Variants in TSPAN5 observed in about 807,000 individuals in gnomAD.
TSPAN5 encodes the protein tetraspanin 5.
A neutral mutation model predicts 37.1 loss-of-function variants in TSPAN5; 10 were observed. The ratio of observed to expected loss-of-function variants is 0.27; its 90% CI spans 0.17 to 0.46. TSPAN5 has a LOEUF of 0.46. TSPAN5 is among the 20% of genes least tolerant of loss of function. TSPAN5 has a pLI of 1.00. For synonymous variants in TSPAN5, 110 were observed against 118.9 expected, an observed-to-expected ratio of 0.93 and a Z score of 0.48; for missense variants, 195 against 326.6, an observed-to-expected ratio of 0.60 and a Z score of 3.11.
At chr4:98,520,864 C>T (rs1753837503) in intron 1 of TSPAN5, among the ~76,000 whole-genome samples, 1 of 145,528 alleles carries the variant, frequency 6.9e-6, no homozygotes, top group African/African-American at 2.5e-5. Flanking sequence ...TTCATGGAAT[C>T]GGTACTTATC....
At position 98,653,229 on chromosome 4, in the gene TSPAN5, A is replaced by C. The variant is rs17027892; in HGVS notation, c.81+4917T>G. ...ATCTTGCAATTTATAGTGAATCATA[A>C]GATAAAGCTTCCTACTTGATGCCCC... On this transcript the variant is annotated intron_variant, in intron 1 of 7. Coordinates refer to ENST00000305798, the MANE Select transcript of TSPAN5 (RefSeq NM_005723.4). Among the ~76,000 whole-genome samples the C allele has an allele frequency of 0.015, 2,248 of 152,222 alleles. 429 individuals carry two copies. The East Asian group carries it at 0.4, about 27-fold the overall frequency.
At chr4:98,653,647 G>C (rs1292461368) in intron 1 of TSPAN5, among the ~76,000 whole-genome samples, 2 of 152,064 alleles carry the variant, frequency 1.3e-5, no homozygotes, top group South Asian at 4.1e-4. Context: ...AGCCCTGTAT[G>C]GAACCAGTAT....
chr4:98,513,876 A>G (rs1052984554), intron 1 of TSPAN5, among the ~76,000 whole-genome samples: 4 of 150,636 alleles, frequency 2.7e-5, no homozygotes, highest in Non-Finnish European at 5.9e-5. Flanking sequence ...ATAGATAGAT[A>G]GATAGATAGA....
At chr4:98,623,276 A>C (rs1407388237) in intron 1 of TSPAN5, among the ~76,000 whole-genome samples, 1 of 152,222 alleles carries the variant, frequency 6.6e-6, no homozygotes, top group East Asian at 1.9e-4. Context: ...TGTACTTAAC[A>C]AGTTTCTATT....
At chr4:98,578,910 T>C (rs1755306456) in intron 1 of TSPAN5, among the ~76,000 whole-genome samples, 1 of 152,160 alleles carries the variant, frequency 6.6e-6, no homozygotes, top group Admixed American at 6.5e-5. Context: ...CCACTACACA[T>C]GCCAACTGAA....
chr4:98,640,858 A>G (rs1431747292), intron 1 of TSPAN5, among the ~76,000 whole-genome samples: 1 of 152,208 alleles, frequency 6.6e-6, no homozygotes, highest in Non-Finnish European at 1.5e-5. Flanking sequence ...CTGGTCCCTC[A>G]ATTATCACGT....
chr4:98,644,795 T>G (rs1217726842), intron 1 of TSPAN5, among the ~76,000 whole-genome samples: 1 of 152,164 alleles, frequency 6.6e-6, no homozygotes, highest in African/African-American at 2.4e-5. Context: ...CCAAAGCATT[T>G]TCCTTCTCAT....
intron 1 of TSPAN5, among the ~76,000 whole-genome samples, chr4:98,647,224 C>G (rs10516435): frequency 6.6e-6 from 1 of 152,086 alleles, no homozygotes; most frequent in African/African-American, 2.4e-5. Flanking sequence ...AGTTAAAGGG[C>G]TAGGCCACAT....
chr4:98,590,698 A>C (rs1755606744), intron 1 of TSPAN5, among the ~76,000 whole-genome samples: 2 of 149,628 alleles, frequency 1.3e-5, no homozygotes, highest in Non-Finnish European at 3.0e-5. Flanking sequence ...CGACAGAGCG[A>C]GACTGTCTCA....
intron 1 of TSPAN5, among the ~76,000 whole-genome samples, chr4:98,532,068 T>C (rs1754106430): frequency 6.6e-6 from 1 of 152,238 alleles, no homozygotes; most frequent in African/African-American, 2.4e-5. Context: ...TTTAATTAGA[T>C]CCCATTTGTC....
chr4:98,629,907 A>G (rs982255272), intron 1 of TSPAN5, among the ~76,000 whole-genome samples: 3 of 152,218 alleles, frequency 2.0e-5, no homozygotes, highest in African/African-American at 7.2e-5. Flanking sequence ...AAAAAAAAGT[A>G]TTTTTAATCA....
chr4:98,478,615 T>C, intron 5 of TSPAN5, 70 bp downstream of exon 5: 1 of 1,598,306 alleles, frequency 6.3e-7, no homozygotes. Context: ...AAAAAATCAC[T>C]CTGCTCGTCC....
intron 1 of TSPAN5, among the ~76,000 whole-genome samples, chr4:98,531,446 C>CATTT (rs1401663453): frequency 1.3e-5 from 2 of 152,232 alleles, no homozygotes; most frequent in African/African-American, 4.8e-5. Context: ...ATATGTGCCA[C>CATTT]ATTTTCTTCA....
chr4:98,569,135 A>G (rs1413778268), intron 1 of TSPAN5, among the ~76,000 whole-genome samples: 1 of 152,182 alleles, frequency 6.6e-6, no homozygotes, highest in Non-Finnish European at 1.5e-5. Flanking sequence ...TTTATTCCAT[A>G]CCAGCCAAGT....
chr4:98,584,153 C>T (rs1188526403), intron 1 of TSPAN5, among the ~76,000 whole-genome samples: 1 of 152,154 alleles, frequency 6.6e-6, no homozygotes, highest in Non-Finnish European at 1.5e-5. Flanking sequence ...GTTACCCAGG[C>T]TGGAGTCTAG....
At chr4:98,607,304 TTGTGGA>T in intron 1 of TSPAN5, among the ~76,000 whole-genome samples, 1 of 152,254 alleles carries the variant, frequency 6.6e-6, no homozygotes, top group South Asian at 2.1e-4. Flanking sequence ...ACAATTAGTT[TTGTGGA>T]AGTGGAAAGC....
chr4:98,599,860 T>C (rs1321410285), intron 1 of TSPAN5, among the ~76,000 whole-genome samples: 2 of 152,244 alleles, frequency 1.3e-5, no homozygotes, highest in African/African-American at 4.8e-5. Flanking sequence ...TTCCAGTTTT[T>C]GGCCACTGTG....
chr4:98,524,283 G>A lies in TSPAN5; in HGVS notation c.82-16555C>T, dbSNP rs528383133. ...GATTTCATTTAAAGCTGTTTAACCA[G>A]AGAGGGTCGCCATGGGAAAGTAAAC... is the stretch of plus-strand genomic sequence containing the variant. On this transcript the variant is annotated intron_variant, in intron 1 of 7. Transcript: ENST00000305798. Among the ~76,000 whole-genome samples the A allele has an allele frequency of 7.4e-4, 113 of 152,306 alleles. 1 individual carries two copies. Among genetic ancestry groups the A allele is most frequent in the African/African-American group, 2.6e-3 (107 of 41,560 alleles).
At chr4:98,494,708 G>C (rs780781464) in intron 2 of TSPAN5, among the ~76,000 whole-genome samples, 1 of 151,986 alleles carries the variant, frequency 6.6e-6, no homozygotes, top group Non-Finnish European at 1.5e-5. Context: ...AGACACTGTA[G>C]AGGCACCCAG....
Sources: allele counts gnomAD v4.1 joint callset (sites outside exome capture counted in the v4.1 genomes callset), GRCh38; gene constraint gnomAD v4.1.1; transcripts MANE v1.5; gene names NCBI Gene and HGNC (gene_info 2026-07-23, HGNC 2026-07-21).